The following GPR39 variants were observed in gnomAD, a reference collection of about 807,000 sequenced individuals.
GPR39 encodes the protein G protein-coupled receptor 39.
In GPR39, 23 loss-of-function variants were observed where a neutral mutation model predicts 18.4. The ratio of observed to expected loss-of-function variants is 1.25; its 90% CI spans 0.90 to 1.77. The LOEUF (loss-of-function observed/expected upper bound fraction) is 1.77, where lower values mean the gene tolerates loss of function less well. Ranked by LOEUF, GPR39 falls within the 40% of genes most tolerant of loss-of-function variation. GPR39 has a pLI of 0.00. For missense variants in GPR39, 647 were observed against 602.4 expected (o/e 1.07, Z -0.78); for synonymous variants, 280 against 257.9 (o/e 1.09, Z -0.82).
In GPR39 at chr2:132,528,556, C is replaced by G. The variant is rs139642882; in HGVS notation, c.856+110658C>G. Among the ~76,000 whole-genome samples, 7 of 152,288 alleles carry G rather than the reference C, an allele frequency of 4.6e-5. No individual in the cohort carries two copies. In the East Asian group the frequency reaches 1.4e-3, roughly 29 times the overall value. ...TTTTCACACTATTGATTCTTCCTAT[C>G]TATGAGGATGGAATGTTTTCCATTG... is the stretch of plus-strand genomic sequence containing the variant. On this transcript the variant is annotated intron_variant, in intron 1 of 1. Transcript: ENST00000329321.
intron 1 of GPR39, among the ~76,000 whole-genome samples, chr2:132,443,615 T>G (rs1452260312): frequency 6.6e-6 from 1 of 152,182 alleles, no homozygotes; most frequent in African/African-American, 2.4e-5. Flanking sequence ...ACTTATGTTA[T>G]TTTCAATGTA....
At chr2:132,567,722 C>T (rs1214023885) in intron 1 of GPR39, among the ~76,000 whole-genome samples, 1 of 152,194 alleles carries the variant, frequency 6.6e-6, no homozygotes, top group Non-Finnish European at 1.5e-5. Flanking sequence ...TTGATTAGTT[C>T]AAGCAGTGGT....
In GPR39 at chr2:132,530,027, A is replaced by T. The variant is rs571467544; in HGVS notation, c.856+112129A>T. Among the ~76,000 whole-genome samples, 8 of 152,336 alleles carry T rather than the reference A, an allele frequency of 5.3e-5. No individual in the cohort carries two copies. The South Asian group carries it at 1.0e-3, about 20-fold the overall frequency. On this transcript the variant is annotated intron_variant, in intron 1 of 1. Transcript: ENST00000329321. ...AGAATGACTTTGACGAGTTGAGAGAAGAAGCCTTCAGAAGATCAACCTACT... is the reference window on the plus strand; with the variant it reads ...AGAATGACTTTGACGAGTTGAGAGATGAAGCCTTCAGAAGATCAACCTACT...
chr2:132,569,641 G>T (rs985008299), intron 1 of GPR39, among the ~76,000 whole-genome samples: 7 of 151,634 alleles, frequency 4.6e-5, no homozygotes, highest in Admixed American at 3.9e-4. Flanking sequence ...GGGTGGGGGG[G>T]GTCCCATCGT....
chr2:132,494,051 G>C (rs1261402280), intron 1 of GPR39, among the ~76,000 whole-genome samples: 3 of 152,152 alleles, frequency 2.0e-5, no homozygotes. Flanking sequence ...GCAGAAGGCA[G>C]GTTATGGGGG....
At chr2:132,573,436 G>A (rs1235859379) in intron 1 of GPR39, among the ~76,000 whole-genome samples, 2 of 151,858 alleles carry the variant, frequency 1.3e-5, no homozygotes, top group African/African-American at 4.8e-5. Flanking sequence ...GAGAGGGCCA[G>A]GCATTTTCAT....
intron 1 of GPR39, among the ~76,000 whole-genome samples, chr2:132,635,440 A>G (rs1161560358): frequency 6.6e-6 from 1 of 152,216 alleles, no homozygotes; most frequent in Admixed American, 6.5e-5. Context: ...AGACTTGTGA[A>G]GTCAAGGAAG....
intron 1 of GPR39, among the ~76,000 whole-genome samples, chr2:132,480,804 A>G (rs2104789249): frequency 6.6e-6 from 1 of 152,258 alleles, no homozygotes; most frequent in African/African-American, 2.4e-5. Flanking sequence ...GTGTGCTAAG[A>G]GCTGTTGGAA....
intron 1 of GPR39, among the ~76,000 whole-genome samples, chr2:132,564,489 A>G (rs534358548): frequency 6.6e-6 from 1 of 152,238 alleles, no homozygotes; most frequent in East Asian, 1.9e-4. Flanking sequence ...CCCTATCAAC[A>G]TGTCCAACCT....
At chr2:132,445,202 GTTA>G (rs1199311516) in intron 1 of GPR39, among the ~76,000 whole-genome samples, 3 of 151,958 alleles carry the variant, frequency 2.0e-5, no homozygotes, top group Admixed American at 6.6e-5. Flanking sequence ...GCATCCATAT[GTTA>G]TTCTGATTTT....
intron 1 of GPR39, among the ~76,000 whole-genome samples, chr2:132,545,182 C>T (rs996898722): frequency 2.6e-5 from 4 of 152,214 alleles, no homozygotes; most frequent in African/African-American, 9.6e-5. Context: ...TCCTCTGTGC[C>T]ATGGCAGGGC....
chr2:132,438,055 GGGGTTTCAGGGAA>G (rs1680362973), intron 1 of GPR39, among the ~76,000 whole-genome samples: 1 of 152,206 alleles, frequency 6.6e-6, no homozygotes, highest in Non-Finnish European at 1.5e-5. Context: ...CATAAACATT[GGGGTTTCAGGGAA>G]GGGACGGAGT....
chr2:132,556,532 T>A (rs945182397), intron 1 of GPR39, among the ~76,000 whole-genome samples: 1 of 152,162 alleles, frequency 6.6e-6, no homozygotes, highest in Admixed American at 6.5e-5. Context: ...TGGGGATCAC[T>A]GGGTGATTCT....
chr2:132,446,088 A>G (rs760830728), intron 1 of GPR39, among the ~76,000 whole-genome samples: 12 of 152,240 alleles, frequency 7.9e-5, no homozygotes, highest in Non-Finnish European at 1.8e-4. Flanking sequence ...AGAAAGAACT[A>G]GTTAGTAGAT....
At chr2:132,580,898 G>A (rs968797264) in intron 1 of GPR39, among the ~76,000 whole-genome samples, 3 of 147,126 alleles carry the variant, frequency 2.0e-5, no homozygotes, top group Non-Finnish European at 4.4e-5. Flanking sequence ...GGAGGCAGAT[G>A]TTGCAGTGAG....
intron 1 of GPR39, among the ~76,000 whole-genome samples, chr2:132,492,728 CATAT>C (rs756454266): frequency 7.7e-5 from 5 of 65,294 alleles, no homozygotes; most frequent in African/African-American, 1.9e-4. Context: ...ATATATATAC[CATAT>C]ATATATACAC....
intron 1 of GPR39, among the ~76,000 whole-genome samples, chr2:132,564,816 T>TTTTTTTTC (rs1680318497): frequency 3.8e-5 from 5 of 130,382 alleles, no homozygotes. Context: ...TTTTCTTTTT[T>TTTTTTTTC]TTTTTTTTTT....
intron 1 of GPR39, among the ~76,000 whole-genome samples, chr2:132,638,328 TGC>T (rs1681800683): frequency 6.6e-6 from 1 of 152,198 alleles, no homozygotes; most frequent in Non-Finnish European, 1.5e-5. Flanking sequence ...TCCCTACAAG[TGC>T]CCACTGAGCC....
chr2:132,562,395 GATT>G (rs1408790189), intron 1 of GPR39, among the ~76,000 whole-genome samples: 1 of 152,198 alleles, frequency 6.6e-6, no homozygotes, highest in African/African-American at 2.4e-5. Context: ...GGCCCTTCAT[GATT>G]GGCCCTGCCT....
Sources: allele counts gnomAD v4.1 joint callset (sites outside exome capture counted in the v4.1 genomes callset), GRCh38; gene constraint gnomAD v4.1.1; transcripts MANE v1.5; gene names NCBI Gene and HGNC (gene_info 2026-07-23, HGNC 2026-07-21).